CYTH4: variants seen among roughly 807,000 people sequenced by gnomAD.
CYTH4 encodes the protein cytohesin 4.
In CYTH4, 22 loss-of-function variants were observed where a neutral mutation model predicts 57.5. That is an observed-to-expected ratio of 0.38 (90% CI 0.27 to 0.55). The LOEUF (loss-of-function observed/expected upper bound fraction) is 0.55. Ranked by LOEUF, CYTH4 falls within the 20% of genes least tolerant of loss-of-function variation. The pLI, the probability that CYTH4 is intolerant of heterozygous loss-of-function variation, is 0.74. For missense variants in CYTH4, 420 were observed against 535.6 expected (o/e 0.78, Z 2.13); for synonymous variants, 186 against 206.5 (o/e 0.90, Z 0.85).
chr22:37,294,668 G>A lies in CYTH4; in HGVS notation c.111G>A (p.Lys37=). The A allele has an allele frequency of 2.5e-6, 4 of 1,613,818 alleles. No individual in the cohort carries two copies. The highest frequency in any genetic ancestry group is 3.4e-6 in the Non-Finnish European group (4 of 1,179,802). ...KQLLEDIQKL[K]DEIADVFAQI... ...CCCCTGCCACCCCACAGAAGCTGAA[G>A]GATGAGATTGCAGATGTGTTTGCCC... The change falls in exon 3 of 13, where the codon AAG becomes AAA. Residue 37 remains lysine (K), a synonymous_variant. Transcript: ENST00000248901.
In CYTH4 at chr22:37,292,545, G is replaced by A. The variant is rs894775995; in HGVS notation, c.20-76G>A. On this transcript the variant is annotated intron_variant, in intron 1 of 12. Transcript: ENST00000248901. Reference sequence around the variant, plus strand: ...GCAAGTCCTGGGTTTCCGGAGGGAAGGGGGCCCTGCAGAAGTGAGGGCAAG... The same window carrying A: ...GCAAGTCCTGGGTTTCCGGAGGGAAAGGGGCCCTGCAGAAGTGAGGGCAAG... 7 of 1,465,242 alleles carry A rather than the reference G, an allele frequency of 4.8e-6. No homozygotes were observed. The African/African-American group carries it at 8.3e-5, about 17-fold the overall frequency. The allele number at this position is 1,465,242 out of a possible 1,614,324, so 90.8% of individuals were successfully genotyped here.
At chr22:37,293,057 C>G (rs963268794) in intron 2 of CYTH4, among the ~76,000 whole-genome samples, 1 of 152,232 alleles carries the variant, frequency 6.6e-6, no homozygotes, top group South Asian at 2.1e-4. Context: ...GTCAAGATAA[C>G]TCCCAGTATG....
At position 37,295,276 on chromosome 22, in the gene CYTH4, C is replaced by T. The variant is rs1019890388; in HGVS notation, c.167+552C>T. Among the ~76,000 whole-genome samples, 1 of 152,070 alleles carries T rather than the reference C, an allele frequency of 6.6e-6. No homozygotes were observed. The highest frequency in any genetic ancestry group is 6.5e-5 in the Admixed American group (1 of 15,280). ...TACACAGTCTCCTAAGGCCCCAGTG[C>T]ACTGACTCTGACACACGATGTCCTG... On this transcript the variant is annotated intron_variant, in intron 3 of 12. Coordinates refer to ENST00000248901, the MANE Select transcript of CYTH4 (RefSeq NM_013385.5). This position sits in a 1 kb window ranked among gnomAD's most constrained non-coding sequence, Gnocchi z 4.1.
intron 2 of CYTH4, among the ~76,000 whole-genome samples, chr22:37,293,883 G>T (rs535573243): frequency 6.6e-6 from 1 of 152,076 alleles, no homozygotes; most frequent in South Asian, 2.1e-4. Context: ...GGCGTGTCGT[G>T]TCATCTCTCT....
rs559634705 is a variant in CYTH4, at chr22:37,295,709, C to T, written c.168-290C>T. On this transcript the variant is annotated intron_variant, in intron 3 of 12. Transcript: ENST00000248901. The surrounding 1 kb of genome is among the most constrained non-coding windows in gnomAD (Gnocchi z 4.1). ...CGTGCTCAGCCCTCGCCCCCTCCCCCGGTTTCTTGCACAGGGCCCCTCCAC... is the reference window on the plus strand; with the variant it reads ...CGTGCTCAGCCCTCGCCCCCTCCCCTGGTTTCTTGCACAGGGCCCCTCCAC... 2.0e-5 allele frequency among the ~76,000 whole-genome samples: 3 copies of T among 152,356 alleles called. No homozygotes were observed. Among genetic ancestry groups the T allele is most frequent in the South Asian group, 2.1e-4 (1 of 4,828 alleles).
At chr22:37,308,461 TAA>T (rs138812642) in intron 8 of CYTH4, among the ~76,000 whole-genome samples, 12,468 of 150,192 alleles carry the variant, frequency 0.083, 777 homozygotes, top group African/African-American at 0.18. Context: ...TGCATGTATA[TAA>T]GTGTGTGTGT....
At chr22:37,287,447 A>C (rs1488905733) in intron 1 of CYTH4, among the ~76,000 whole-genome samples, 1 of 152,244 alleles carries the variant, frequency 6.6e-6, no homozygotes, top group Non-Finnish European at 1.5e-5. Context: ...CCAAGCCAAC[A>C]GGAAAACTGT....
chr22:37,308,767 C>T (rs770488363), intron 8 of CYTH4, among the ~76,000 whole-genome samples: 11 of 144,916 alleles, frequency 7.6e-5, no homozygotes, highest in South Asian at 2.3e-4. Flanking sequence ...TATGTGTGAG[C>T]GTGCCTGCAT....
At position 37,294,715 on chromosome 22, in the gene CYTH4, C is replaced by T. The variant is rs757351475; in HGVS notation, c.158C>T (p.Ala53Val). Residue 53 changes from alanine to valine, a missense_variant, in exon 3 of 13, where the codon GCG (alanine) becomes GTG (valine). Coordinates refer to ENST00000248901, the MANE Select transcript of CYTH4 (RefSeq NM_013385.5). The part of the protein sequence containing the change: ...VFAQIDCFES[A>V]EESRMAQKEK... ...GCCCAAATCGACTGCTTCGAGAGTG[C>T]GGAGGAGAGGTGAGGGGCTTGGGTG... is the stretch of plus-strand genomic sequence containing the variant. 16 of 1,613,498 alleles carry T rather than the reference C, an allele frequency of 9.9e-6. No homozygotes were observed. Among genetic ancestry groups the T allele is most frequent in the East Asian group, 2.2e-5 (1 of 44,872 alleles).
rs1232146990 is a variant in CYTH4 at position 37,298,298 on chromosome 22, C to A, written c.353+616C>A. 1.3e-5 allele frequency: 2 copies of A among 152,992 alleles called. No homozygotes were observed. Among genetic ancestry groups the A allele is most frequent in the South Asian group, 3.7e-4 (2 of 5,380 alleles). The allele number at this position is 152,992 out of a possible 1,614,324, so 9.5% of individuals were successfully genotyped here. On this transcript the variant is annotated intron_variant, in intron 5 of 12. Coordinates refer to ENST00000248901, the MANE Select transcript of CYTH4 (RefSeq NM_013385.5). This position sits in a 1 kb window ranked among gnomAD's most constrained non-coding sequence, Gnocchi z 4.1. Reference sequence around the variant, plus strand: ...AGGGGAATCGCTTGAGCCTGGGAGTCGGAGGTTGTAGTGAGCCAAGATCAC... The same window carrying A: ...AGGGGAATCGCTTGAGCCTGGGAGTAGGAGGTTGTAGTGAGCCAAGATCAC...
chr22:37,287,785 C>T (rs1928607929), intron 1 of CYTH4, among the ~76,000 whole-genome samples: 1 of 152,180 alleles, frequency 6.6e-6, no homozygotes, highest in Non-Finnish European at 1.5e-5. Flanking sequence ...AGTCACTTCG[C>T]CTTCCTAAGC....
chr22:37,290,632 C>T (rs910916488), intron 1 of CYTH4, among the ~76,000 whole-genome samples: 1 of 152,114 alleles, frequency 6.6e-6, no homozygotes, highest in Non-Finnish European at 1.5e-5. Context: ...CAGCCTCCTC[C>T]GGTGTACCTG....
Position 37,300,982 on chromosome 22 carries a change from A to G in CYTH4, c.510A>G (p.Arg170=). ...IDRMMEAFAT[R]YCLCNPGVFQ... is the part of the protein sequence containing the mutation. ...GGATGATGGAGGCCTTTGCCACTCG[A>G]TACTGCCTCTGCAACCCAGGCGTCT... Residue 170 remains arginine (R), a synonymous_variant, in exon 7 of 13, where the codon CGA becomes CGG. Coordinates refer to ENST00000248901, the MANE Select transcript of CYTH4 (RefSeq NM_013385.5). 1 of 1,614,168 alleles carries G rather than the reference A, an allele frequency of 6.2e-7. No homozygotes were observed.
chr22:37,283,525 G>A (rs960238851), intron 1 of CYTH4, among the ~76,000 whole-genome samples: 8 of 152,144 alleles, frequency 5.3e-5, no homozygotes, highest in Non-Finnish European at 5.9e-5. Flanking sequence ...CACCTAATGT[G>A]GAGCAGCCTG....
In CYTH4 at chr22:37,311,619, A is replaced by G; in HGVS notation, c.957+92A>G. 7.6e-7 allele frequency: 1 copy of G among 1,317,812 alleles called. No homozygotes were observed. The highest frequency in any genetic ancestry group is 1.2e-5 in the South Asian group (1 of 84,308). The allele number at this position is 1,317,812 out of a possible 1,614,324, so 81.6% of individuals were successfully genotyped here. A position where few individuals can be genotyped will look rare whatever the true frequency, so the allele number is the denominator to read the frequency against. On this transcript the variant is annotated intron_variant, in intron 11 of 12. Transcript: ENST00000248901. The surrounding 1 kb of genome is among the most constrained non-coding windows in gnomAD (Gnocchi z 4.4). ...GAGAGGGCCTGAGGCTGGGCTCTCC[A>G]GGAAGCCAGGCTGTGCCCCTTACAC...
Position 37,297,672 on chromosome 22 carries a change from C to A in CYTH4, c.343C>A (p.Leu115Met), listed in dbSNP as rs1217408916. ...CAACAAGACAGCCATTGGTACCTACCTGGGGGAGAGGTAAGAACGAGTGGA... is the reference window on the plus strand; with the variant it reads ...CAACAAGACAGCCATTGGTACCTACATGGGGGAGAGGTAAGAACGAGTGGA... ...GLNKTAIGTY[L>M]GERDPINLQV... The change falls in exon 5 of 13, where the codon CTG becomes ATG. Residue 115 changes from leucine to methionine, a missense_variant. Coordinates refer to ENST00000248901, the MANE Select transcript of CYTH4 (RefSeq NM_013385.5). 6.2e-7 allele frequency: 1 copy of A among 1,613,562 alleles called. No homozygotes were observed. Among genetic ancestry groups the A allele is most frequent in the Non-Finnish European group, 8.5e-7 (1 of 1,179,616 alleles).
In CYTH4 at chr22:37,311,550, C is replaced by T. The variant is rs746305494; in HGVS notation, c.957+23C>T. 6.2e-7 allele frequency: 1 copy of T among 1,611,810 alleles called. No homozygotes were observed. The highest frequency in any genetic ancestry group is 1.1e-5 in the South Asian group (1 of 91,068). ...CCAGTAGGTGTTCAGGTTGCAGGAT[C>T]CCGAGGCTGGAGCCACTGGGAAATT... On this transcript the variant is annotated intron_variant, in intron 11 of 12. Transcript: ENST00000248901. This position sits in a 1 kb window ranked among gnomAD's most constrained non-coding sequence, Gnocchi z 4.4.
chr22:37,314,666 C>T lies in CYTH4; in HGVS notation c.*1155C>T. The T allele has an allele frequency of 2.7e-6, 1 of 369,116 alleles. No individual in the cohort carries two copies. Among genetic ancestry groups the T allele is most frequent in the Non-Finnish European group, 4.8e-6 (1 of 207,738 alleles). The allele number at this position is 369,116 out of a possible 1,614,324, so 22.9% of individuals were successfully genotyped here. On this transcript the variant is annotated 3_prime_UTR_variant, in exon 13 of 13. Coordinates refer to ENST00000248901, the MANE Select transcript of CYTH4 (RefSeq NM_013385.5). Reference sequence around the variant, plus strand: ...GTAGAGCTGACTTCCAGTACCCGGGCAGCCAGCTCTGTCTCCAGGGAGGCC... The same window carrying T: ...GTAGAGCTGACTTCCAGTACCCGGGTAGCCAGCTCTGTCTCCAGGGAGGCC...
Position 37,294,708 on chromosome 22 carries a change from G to A in CYTH4, c.151G>A (p.Glu51Lys), listed in dbSNP as rs1267923967. 10 of 1,613,778 alleles carry A rather than the reference G, an allele frequency of 6.2e-6. No homozygotes were observed. Among genetic ancestry groups the A allele is most frequent in the East Asian group, 2.2e-5 (1 of 44,860 alleles). Residue 51 changes from glutamate to lysine, a missense_variant, in exon 3 of 13, where the codon GAG becomes AAG. Physicochemically the swap from Glu to Lys is moderately conservative, Grantham distance 56 (BLOSUM62 1). Coordinates refer to ENST00000248901, the MANE Select transcript of CYTH4 (RefSeq NM_013385.5). ...ADVFAQIDCF[E>K]SAEESRMAQK... ...TGTGTTTGCCCAAATCGACTGCTTC[G>A]AGAGTGCGGAGGAGAGGTGAGGGGC... is the stretch of plus-strand genomic sequence containing the variant.
Sources: gnomAD v4.1 joint callset for allele counts (sites outside exome capture counted in the v4.1 genomes callset) on GRCh38, gnomAD v4.1.1 for gene constraint, Gnocchi (gnomAD v3.1) non-coding constraint, MANE v1.5 for transcripts, NCBI Gene and HGNC (gene_info 2026-07-23, HGNC 2026-07-21) for gene names.